Variants in TCEA3 observed in about 807,000 individuals in gnomAD.
TCEA3 encodes the protein transcription elongation factor A3.
Under a neutral mutation model 44.0 loss-of-function variants are expected in TCEA3, and 36 were observed. The ratio of observed to expected loss-of-function variants is 0.82; its 90% CI spans 0.63 to 1.08. TCEA3 has a LOEUF of 1.08. Ranked by LOEUF, TCEA3 falls within the 50% of genes least tolerant of loss-of-function variation. The pLI is 0.00. For missense variants in TCEA3, 392 were observed against 441.2 expected (o/e 0.89, Z 1.00); for synonymous variants, 162 against 159.7 (o/e 1.01, Z -0.11).
intron 8 of TCEA3, among the ~76,000 whole-genome samples, chr1:23,388,930 A>G (rs1473731439): frequency 6.6e-6 from 1 of 152,102 alleles, no homozygotes; most frequent in East Asian, 1.9e-4. Context: ...TGATCTGCCT[A>G]CTTTGGACTC....
chr1:23,402,905 G>A (rs983670563), intron 5 of TCEA3, among the ~76,000 whole-genome samples: 5 of 152,146 alleles, frequency 3.3e-5, no homozygotes, highest in African/African-American at 1.2e-4. Flanking sequence ...GAGATGAAAG[G>A]CACACCCAGA....
At chr1:23,384,122 C>G in intron 10 of TCEA3, 1 of 1,361,556 alleles carries the variant, frequency 7.3e-7, no homozygotes, top group South Asian at 1.9e-5. Flanking sequence ...GGCTGCTGCC[C>G]CCACCCCAGC....
intron 5 of TCEA3, among the ~76,000 whole-genome samples, chr1:23,408,213 C>T (rs909481707): frequency 3.3e-5 from 5 of 152,140 alleles, no homozygotes; most frequent in Non-Finnish European, 7.3e-5. Flanking sequence ...CCGCCTGCCT[C>T]GGCCTTCCAA....
chr1:23,386,724 A>AT (rs35510531), intron 9 of TCEA3, among the ~76,000 whole-genome samples: 3 of 149,742 alleles, frequency 2.0e-5, no homozygotes, highest in African/African-American at 7.4e-5. Flanking sequence ...TGCCTGGCTA[A>AT]TTTTTTTTTT....
chr1:23,387,218 C>T lies in TCEA3; in HGVS notation c.966+55G>A, dbSNP rs190348712. ...CCCTAAGCTTCTCTCTGATTTTCCACCTCTATGCCCCTGCGGCCTCCTGCA... is the reference window on the plus strand; with the variant it reads ...CCCTAAGCTTCTCTCTGATTTTCCATCTCTATGCCCCTGCGGCCTCCTGCA... On this transcript the variant is annotated intron_variant, in intron 9 of 10. Coordinates refer to ENST00000450454, the MANE Select transcript of TCEA3 (RefSeq NM_003196.3). 1.4e-4 allele frequency: 229 copies of T among 1,592,978 alleles called. No homozygotes were observed. The Admixed American group carries it at 3.9e-3, about 27-fold the overall frequency.
rs757705624 is a variant in TCEA3 at position 23,419,079 on chromosome 1, G to A, written c.130C>T (p.Gln44Ter). 1.1e-5 allele frequency: 9 copies of A among 856,694 alleles called. No homozygotes were observed. The Admixed American group carries it at 2.2e-4, about 21-fold the overall frequency. 53.1% of individuals were successfully genotyped at this position (856,694 alleles called of 1,614,324 possible). ...HSCQMSIQLL[Q>*]TTRIGVAVNG... ...AAGGCTTCCCACCCCCGCCCCACCT[G>A]TAGTAGCTGGATGGACATCTGGCAG... The change falls in exon 2 of 11, where the codon CAG becomes TAG. Residue 44 changes from glutamine to a stop codon, truncating the protein, a stop_gained and splice_region_variant. Transcript: ENST00000450454. LOFTEE classifies it high-confidence loss of function.
chr1:23,407,916 T>C (rs890541454), intron 5 of TCEA3, among the ~76,000 whole-genome samples: 6 of 152,166 alleles, frequency 3.9e-5, no homozygotes, highest in Non-Finnish European at 7.3e-5. Context: ...ATTCCAGGTA[T>C]AGGCTTTCTT....
At chr1:23,398,087 G>A (rs935888602) in intron 5 of TCEA3, 132 bp from the exon 6 acceptor site, 48 of 1,085,210 alleles carry the variant, frequency 4.4e-5, no homozygotes, top group Non-Finnish European at 5.9e-5. Flanking sequence ...TACTATTTTA[G>A]GCACTTGACA....
chr1:23,397,397 T>C (rs1020206562), intron 7 of TCEA3, 148 bp downstream of exon 7: 23 of 664,568 alleles, frequency 3.5e-5, no homozygotes, highest in Non-Finnish European at 5.7e-5. Context: ...GAATGTTAGA[T>C]AGAATTAAGA....
At chr1:23,383,532 G>T in intron 10 of TCEA3, 1 of 939,002 alleles carries the variant, frequency 1.1e-6, no homozygotes. Flanking sequence ...TTACTCTTTT[G>T]CTCAATGAGG....
rs576456542 is a variant in TCEA3, at chr1:23,385,531, C to T, written c.967-1114G>A. 7.9e-5 allele frequency among the ~76,000 whole-genome samples: 12 copies of T among 152,368 alleles called. No homozygotes were observed. The South Asian group carries it at 2.1e-3, about 26-fold the overall frequency. On this transcript the variant is annotated intron_variant, in intron 9 of 10. Coordinates refer to ENST00000450454, the MANE Select transcript of TCEA3 (RefSeq NM_003196.3). ...CAGAACTGGAATTCTCCAAGGGACTCCTCCGGAATGGCAAGGCTGACTGCA... is the reference window on the plus strand; with the variant it reads ...CAGAACTGGAATTCTCCAAGGGACTTCTCCGGAATGGCAAGGCTGACTGCA...
Position 23,399,168 on chromosome 1 carries a change from A to ATATATG in TCEA3, c.444-1214_444-1213insCATATA, listed in dbSNP as rs1558043209. Among the ~76,000 whole-genome samples, 225 of 139,758 alleles carry ATATATG rather than the reference A, an allele frequency of 1.6e-3. 3 individuals carry two copies. The highest frequency in any genetic ancestry group is 4.7e-3 in the African/African-American group (183 of 39,034). The allele number at this position is 139,758 out of a possible 152,430, so 91.7% of individuals were successfully genotyped here. ...TGTATATATATATATATATATATAT[A>ATATATG]TATATATATATCCATATGTGCACAG... On this transcript the variant is annotated intron_variant, in intron 5 of 10. Coordinates refer to ENST00000450454, the MANE Select transcript of TCEA3 (RefSeq NM_003196.3).
At chr1:23,388,037 C>T (rs542898885) in intron 8 of TCEA3, among the ~76,000 whole-genome samples, 4 of 152,052 alleles carry the variant, frequency 2.6e-5, no homozygotes, top group East Asian at 1.9e-4. Flanking sequence ...GTAGACACTC[C>T]GGGTCTGCAT....
At chr1:23,389,487 C>CAA (rs71023208) in intron 8 of TCEA3, among the ~76,000 whole-genome samples, 3,973 of 141,334 alleles carry the variant, frequency 0.028, 140 homozygotes, top group African/African-American at 0.072. Context: ...GAGATTCCAT[C>CAA]AAAAAAAAAA....
chr1:23,414,200 C>A (rs909736790), intron 4 of TCEA3, among the ~76,000 whole-genome samples: 2 of 151,756 alleles, frequency 1.3e-5, no homozygotes, highest in African/African-American at 4.8e-5. Flanking sequence ...TCAAACAATT[C>A]TCCTCCTCAG....
intron 10 of TCEA3, among the ~76,000 whole-genome samples, chr1:23,382,829 G>T (rs1638703009): frequency 6.6e-6 from 1 of 152,180 alleles, no homozygotes; most frequent in South Asian, 2.1e-4. Flanking sequence ...TGATGCCAAA[G>T]CCCATGCTCT....
rs370705356 is a variant in TCEA3 at position 23,397,837 on chromosome 1, G to A, written c.562C>T (p.Arg188Trp). The A allele has an allele frequency of 4.8e-5, 77 of 1,613,786 alleles. No homozygotes were observed. The highest frequency in any genetic ancestry group is 8.8e-5 in the South Asian group (8 of 91,080). ...GACAGCATCTCCACACACTTGTCCC[G>A]GACAGAGTCCCCTGTGAGATAGCAG... is the stretch of plus-strand genomic sequence containing the variant. ...APCYLTGDSV[R>W]DKCVEMLSAA... The change falls in exon 6 of 11, where the codon CGG becomes TGG. Residue 188 changes from arginine (R) to tryptophan (W), a missense_variant. Transcript: ENST00000450454.
chr1:23,387,500 C>A, intron 8 of TCEA3, 81 bp from the exon 9 acceptor site: 1 of 1,452,694 alleles, frequency 6.9e-7, no homozygotes, highest in Admixed American at 2.4e-5. Flanking sequence ...AAAGCCTGAA[C>A]AGAAAAGGAG....
chr1:23,405,209 G>T (rs1481946412), intron 5 of TCEA3, among the ~76,000 whole-genome samples: 2 of 152,128 alleles, frequency 1.3e-5, no homozygotes, highest in African/African-American at 4.8e-5. Context: ...CAATAGATGT[G>T]CTTGCCAAAT....
Sources: allele counts gnomAD v4.1 joint callset (sites outside exome capture counted in the v4.1 genomes callset), GRCh38; gene constraint gnomAD v4.1.1; transcripts MANE v1.5; gene names NCBI Gene and HGNC (gene_info 2026-07-23, HGNC 2026-07-21).